Variants in FNDC3A observed in about 807,000 individuals in gnomAD.
FNDC3A encodes fibronectin type-III domain-containing protein 3A.
FNDC3A carries 32 observed loss-of-function variants against 148.9 expected under a neutral mutation model. That is an observed-to-expected ratio of 0.21 (90% confidence interval 0.16 to 0.29). FNDC3A has a LOEUF of 0.29. FNDC3A is among the 10% of genes least tolerant of loss of function. The pLI, the probability that FNDC3A is intolerant of heterozygous loss-of-function variation, is 1.00. For synonymous variants in FNDC3A, 472 were observed against 473.6 expected (o/e 1.00, Z 0.04); for missense variants, 1,191 against 1,452.8 (o/e 0.82, Z 2.93).
At chr13:49,007,550 A>T (rs563811567) in intron 2 of FNDC3A, among the ~76,000 whole-genome samples, 13 of 152,296 alleles carry the variant, frequency 8.5e-5, no homozygotes, top group African/African-American at 2.9e-4. Flanking sequence ...GAATCTATTA[A>T]GCAGTTAATT....
chr13:49,035,627 T>G (rs931522187), intron 2 of FNDC3A, among the ~76,000 whole-genome samples: 2 of 152,012 alleles, frequency 1.3e-5, no homozygotes, highest in African/African-American at 2.4e-5. Flanking sequence ...GAAAAAAAAT[T>G]TTCTGATTAC....
chr13:49,008,342 C>G (rs1445042245), intron 2 of FNDC3A, among the ~76,000 whole-genome samples: 1 of 152,150 alleles, frequency 6.6e-6, no homozygotes, highest in Non-Finnish European at 1.5e-5. Flanking sequence ...GCAGACATTT[C>G]TTTGTCTTAA....
At chr13:49,100,959 G>A (rs943174005) in intron 3 of FNDC3A, among the ~76,000 whole-genome samples, 2 of 151,936 alleles carry the variant, frequency 1.3e-5, no homozygotes, top group Admixed American at 6.6e-5. Context: ...TTGTTGAATC[G>A]ACATCTTAGT....
chr13:49,026,638 G>C (rs939906577), intron 2 of FNDC3A, among the ~76,000 whole-genome samples: 6 of 152,116 alleles, frequency 3.9e-5, no homozygotes, highest in African/African-American at 1.4e-4. Flanking sequence ...TGAGTAGCTA[G>C]AACTACAGGC....
chr13:49,033,202 G>T (rs1874252019), intron 2 of FNDC3A, among the ~76,000 whole-genome samples: 1 of 152,090 alleles, frequency 6.6e-6, no homozygotes, highest in African/African-American at 2.4e-5. Flanking sequence ...AAATATATTT[G>T]TAAACAGCAT....
chr13:49,152,512 GGT>G (rs1566287040), intron 8 of FNDC3A, among the ~76,000 whole-genome samples: 1 of 150,392 alleles, frequency 6.6e-6, no homozygotes, highest in South Asian at 2.1e-4. Flanking sequence ...AAAATTGTTT[GGT>G]TTTTTTTTAA....
At chr13:49,070,205 C>G (rs1277838993) in intron 2 of FNDC3A, among the ~76,000 whole-genome samples, 1 of 151,970 alleles carries the variant, frequency 6.6e-6, no homozygotes, top group Non-Finnish European at 1.5e-5. Context: ...GATCTCGGCT[C>G]ACTGCAACCT....
At chr13:49,108,806 T>G (rs571709813) in intron 3 of FNDC3A, among the ~76,000 whole-genome samples, 1 of 152,186 alleles carries the variant, frequency 6.6e-6, no homozygotes, top group African/African-American at 2.4e-5. Context: ...CCTTGCCCTT[T>G]GGTCTCGTTT....
At chr13:49,113,213 C>CTCTCCTTCTCTCCCCTCTTGCCTT (rs1880692952) in intron 3 of FNDC3A, among the ~76,000 whole-genome samples, 1 of 151,220 alleles carries the variant, frequency 6.6e-6, no homozygotes, top group East Asian at 1.9e-4. Context: ...CCTCTCGCCT[C>CTCTCCTTCTCTCCCCTCTTGCCTT]TCTCCTTCTC....
intron 2 of FNDC3A, chr13:49,045,649 C>T: frequency 2.2e-6 from 2 of 889,776 alleles, no homozygotes; most frequent in Non-Finnish European, 3.4e-6. Context: ...TTCTACAATA[C>T]ATTTTTTCCT....
At chr13:49,189,477 G>A (rs781005295) in intron 17 of FNDC3A, among the ~76,000 whole-genome samples, 2 of 151,894 alleles carry the variant, frequency 1.3e-5, no homozygotes, top group South Asian at 2.1e-4. Context: ...CACCGCACCC[G>A]GCCAAGTGAT....
At chr13:49,185,856 G>A in intron 14 of FNDC3A, 108 bp from the exon 15 acceptor site, 1 of 817,266 alleles carries the variant, frequency 1.2e-6, no homozygotes, top group Non-Finnish European at 2.0e-6. Context: ...TAAAAAAAAT[G>A]TATTTTATCA....
intron 4 of FNDC3A, among the ~76,000 whole-genome samples, chr13:49,125,859 GA>G (rs898589262): frequency 3.3e-5 from 5 of 150,570 alleles, no homozygotes; most frequent in African/African-American, 7.3e-5. Context: ...AATAAAGGAA[GA>G]AAAAAAAACA....
intron 2 of FNDC3A, among the ~76,000 whole-genome samples, chr13:49,054,238 C>T (rs866354138): frequency 6.6e-6 from 1 of 152,108 alleles, no homozygotes; most frequent in African/African-American, 2.4e-5. Context: ...AGAAAGATGC[C>T]TTTGGTCTAA....
At chr13:49,058,237 C>T (rs898952965) in intron 2 of FNDC3A, among the ~76,000 whole-genome samples, 19 of 151,990 alleles carry the variant, frequency 1.3e-4, no homozygotes, top group Non-Finnish European at 2.4e-4. Flanking sequence ...GGGTCGTGAT[C>T]GATTGAGCAA....
intron 2 of FNDC3A, among the ~76,000 whole-genome samples, chr13:49,061,959 T>A: frequency 6.7e-6 from 1 of 150,188 alleles, no homozygotes; most frequent in East Asian, 2.0e-4. Context: ...CTAATACATG[T>A]AGAAAGAATG....
chr13:49,063,455 T>A lies in FNDC3A; in HGVS notation c.100-11834T>A, dbSNP rs191616927. The stretch of plus-strand genomic sequence containing the variant: ...GAAGTAGAGCTTATTTGGGCCAGGG[T>A]CGAGGATTGTAAACCAGGAGCATGG... On this transcript the variant is annotated intron_variant, in intron 2 of 25. Coordinates refer to ENST00000492622, the MANE Select transcript of FNDC3A (RefSeq NM_001079673.2). 2.0e-5 allele frequency among the ~76,000 whole-genome samples: 3 copies of A among 152,206 alleles called. No homozygotes were observed. In the East Asian group the frequency reaches 5.8e-4, roughly 29 times the overall value.
chr13:49,197,836 G>C lies in FNDC3A; in HGVS notation c.2452G>C (p.Gly818Arg). ...GCCTGGTCTCAGTTATGAAATAAAA[G>C]GACTTTCACCAGCAACTACCTATTA... ...CGPGLSYEIK[G>R]LSPATTYYCR... Residue 818 changes from glycine to arginine, a missense_variant, in exon 21 of 26, where the codon GGA becomes CGA. By Grantham distance (125) the Gly-to-Arg change is moderately radical. Around this residue, in one of 3 missense-constraint regions of FNDC3A, gnomAD observed 751 missense variants for 944.0 expected, o/e 0.80. Transcript: ENST00000492622. 1 of 1,607,298 alleles carries C rather than the reference G, an allele frequency of 6.2e-7. No homozygotes were observed. The highest frequency in any genetic ancestry group is 8.5e-7 in the Non-Finnish European group (1 of 1,178,490).
chr13:49,019,853 C>G (rs570346420), intron 2 of FNDC3A, among the ~76,000 whole-genome samples: 1 of 151,936 alleles, frequency 6.6e-6, no homozygotes, highest in African/African-American at 2.4e-5. Flanking sequence ...TGGAGTTTAC[C>G]CTTTTGTTTC....
Sources: allele counts gnomAD v4.1 joint callset (sites outside exome capture counted in the v4.1 genomes callset), GRCh38; gene constraint gnomAD v4.1.1; regional missense constraint gnomAD v4.1.1; transcripts MANE v1.5; gene names NCBI Gene and HGNC (gene_info 2026-07-23, HGNC 2026-07-21).